Variants in CCNY observed in about 807,000 individuals in gnomAD.
The protein encoded by CCNY is cyclin Y.
A neutral mutation model predicts 42.8 loss-of-function variants in CCNY; 19 were observed. The ratio of observed to expected loss-of-function variants is 0.44; its 90% confidence interval spans 0.31 to 0.65. The LOEUF (loss-of-function observed/expected upper bound fraction) is 0.65. CCNY is among the 30% of genes least tolerant of loss of function. The pLI is 0.07. For missense variants in CCNY, 370 were observed against 437.3 expected (o/e 0.85, Z 1.37); for synonymous variants, 165 against 162.7 (o/e 1.01, Z -0.11).
At chr10:35,467,010 C>T (rs1461058991) in intron 1 of CCNY, among the ~76,000 whole-genome samples, 3 of 152,204 alleles carry the variant, frequency 2.0e-5, no homozygotes, top group Non-Finnish European at 4.4e-5. Flanking sequence ...AATCTTTAAA[C>T]TTTCCAAAAG....
chr10:35,329,245 TTAGCATATAAAAATGTTCATCCCCG>T (rs1455129135), intron 3 of CCNY, among the ~76,000 whole-genome samples: 6 of 152,156 alleles, frequency 3.9e-5, no homozygotes, highest in Non-Finnish European at 8.8e-5. Context: ...CTGACAAAGA[TTAGCATATAAAAATGTTCATCCCCG>T]GCCGGGTGCA....
intron 1 of CCNY, among the ~76,000 whole-genome samples, chr10:35,468,554 T>C (rs1347716402): frequency 6.6e-6 from 1 of 152,172 alleles, no homozygotes; most frequent in East Asian, 1.9e-4. Flanking sequence ...TCTATGGTCT[T>C]TAGTTAGTTT....
intron 8 of CCNY, among the ~76,000 whole-genome samples, chr10:35,561,531 G>C (rs1262112047): frequency 2.6e-5 from 4 of 152,170 alleles, no homozygotes; most frequent in African/African-American, 9.7e-5. Context: ...CAAACAACCC[G>C]AGCTCTCCCT....
chr10:35,370,299 C>T (rs1378777446), intron 1 of CCNY, among the ~76,000 whole-genome samples: 2 of 152,054 alleles, frequency 1.3e-5, no homozygotes, highest in Non-Finnish European at 2.9e-5. Context: ...CTACAGGTGC[C>T]TGCCACCACG....
intron 1 of CCNY, among the ~76,000 whole-genome samples, chr10:35,426,111 G>GCACACACA (rs1055933724): frequency 4.0e-4 from 32 of 80,460 alleles, no homozygotes; most frequent in African/African-American, 1.3e-3. Flanking sequence ...TCCAGCACGC[G>GCACACACA]CACACACACA....
intron 1 of CCNY, among the ~76,000 whole-genome samples, chr10:35,347,829 A>C (rs1836339722): frequency 6.6e-6 from 1 of 152,094 alleles, no homozygotes; most frequent in Non-Finnish European, 1.5e-5. Context: ...TAATCCTTTA[A>C]ATTATTTCTG....
chr10:35,553,195 G>A lies in CCNY; in HGVS notation c.746+10G>A, dbSNP rs150576108. On this transcript the variant is annotated intron_variant, in intron 8 of 9. Transcript: ENST00000374704. ...TCACGGTGGAGGACATGTGAGTTGG[G>A]GGGCAGAGGGTGTTGGTCATCAGAG... 2,104 of 1,612,414 alleles carry A rather than the reference G, an allele frequency of 1.3e-3. 3 individuals carry two copies. The highest frequency in any genetic ancestry group is 1.8e-3 in the Middle Eastern group (11 of 6,056).
chr10:35,371,408 G>A (rs1374155853), intron 1 of CCNY, among the ~76,000 whole-genome samples: 1 of 151,984 alleles, frequency 6.6e-6, no homozygotes. Context: ...TTGCTTTTAG[G>A]TCCATCTTTC....
rs1419232092 is a variant in CCNY at position 35,383,131 on chromosome 10, G to A, written c.154+45924G>A. Among the ~76,000 whole-genome samples the A allele has an allele frequency of 3.3e-5, 5 of 152,136 alleles. No homozygotes were observed. In the South Asian group the frequency reaches 1.0e-3, roughly 32 times the overall value. On this transcript the variant is annotated intron_variant, in intron 1 of 9. Transcript: ENST00000374704. ...TATCTGTGGGTTCTACAGCTCCGAT[G>A]GGGAGACTTGAGCATGCACAGATTT...
chr10:35,310,939 A>G (rs1005935472), intron 3 of CCNY, among the ~76,000 whole-genome samples: 7 of 152,074 alleles, frequency 4.6e-5, no homozygotes, highest in African/African-American at 1.7e-4. Flanking sequence ...CCAGGAGTTC[A>G]AGACCAGCCT....
chr10:35,367,151 T>C (rs142755868), intron 1 of CCNY, among the ~76,000 whole-genome samples: 38 of 152,354 alleles, frequency 2.5e-4, no homozygotes, highest in African/African-American at 7.0e-4. Context: ...AAACCTGCTT[T>C]TTTTACATAA....
intron 1 of CCNY, among the ~76,000 whole-genome samples, chr10:35,381,948 CTT>C (rs140480909): frequency 0.028 from 4,243 of 152,252 alleles, 162 homozygotes; most frequent in African/African-American, 0.087. Flanking sequence ...AAAATTAAAA[CTT>C]ATCACATTTA....
At chr10:35,259,672 G>GTT (rs1202854456) in intron 3 of CCNY, among the ~76,000 whole-genome samples, 1,175 of 86,160 alleles carry the variant, frequency 0.014, 28 homozygotes, top group African/African-American at 0.016. Flanking sequence ...CTGGCTAATT[G>GTT]TTTTTTTTTT....
intron 1 of CCNY, among the ~76,000 whole-genome samples, chr10:35,465,515 T>C (rs1839240799): frequency 6.6e-6 from 1 of 152,212 alleles, no homozygotes; most frequent in Non-Finnish European, 1.5e-5. Flanking sequence ...ATGTCATCAG[T>C]GGTTTGTCCC....
At chr10:35,387,473 G>A (rs969939917) in intron 1 of CCNY, among the ~76,000 whole-genome samples, 1 of 152,154 alleles carries the variant, frequency 6.6e-6, no homozygotes, top group African/African-American at 2.4e-5. Flanking sequence ...GGGCAGATGT[G>A]GGAGAAGGAT....
At chr10:35,528,206 T>C (rs1023226861) in intron 5 of CCNY, among the ~76,000 whole-genome samples, 2 of 152,068 alleles carry the variant, frequency 1.3e-5, no homozygotes, top group South Asian at 4.1e-4. Flanking sequence ...GAAAACTCAG[T>C]AAATAAGGTG....
At chr10:35,479,414 T>C (rs2135360316) in intron 1 of CCNY, among the ~76,000 whole-genome samples, 1 of 139,622 alleles carries the variant, frequency 7.2e-6, no homozygotes, top group Non-Finnish European at 1.6e-5. Flanking sequence ...CACCATGGAA[T>C]ACTATGCAGC....
chr10:35,329,962 C>T (rs956390596), intron 3 of CCNY, among the ~76,000 whole-genome samples: 2 of 152,124 alleles, frequency 1.3e-5, no homozygotes, highest in Non-Finnish European at 1.5e-5. Flanking sequence ...AGCTGCAGTG[C>T]GTTTTGAGTT....
chr10:35,499,782 A>T (rs923006081), intron 2 of CCNY, among the ~76,000 whole-genome samples: 7 of 152,168 alleles, frequency 4.6e-5, no homozygotes, highest in Non-Finnish European at 7.4e-5. Flanking sequence ...ATGTAGTGGG[A>T]ACCCTGTCAG....
Sources: gnomAD v4.1 joint callset for allele counts (sites outside exome capture counted in the v4.1 genomes callset) on GRCh38, gnomAD v4.1.1 for gene constraint, MANE v1.5 for transcripts, NCBI Gene and HGNC (gene_info 2026-07-23, HGNC 2026-07-21) for gene names.